CREM: variants seen among roughly 807,000 people sequenced by gnomAD.
CREM encodes the protein cAMP-responsive element modulator.
In CREM, 13 loss-of-function variants were observed where a neutral mutation model predicts 37.3. The ratio of observed to expected loss-of-function variants is 0.35; its 90% CI spans 0.23 to 0.55. The LOEUF is 0.55. Among genes scored for constraint, CREM ranks in the 20% least tolerant of loss-of-function variants. The pLI is 0.88. For synonymous variants in CREM, 124 were observed against 120.2 expected, an observed-to-expected ratio of 1.03 and a Z score of -0.21; for missense variants, 296 against 362.3, an observed-to-expected ratio of 0.82 and a Z score of 1.49.
At chr10:35,204,607 A>G (rs1311735725) in intron 6 of CREM, among the ~76,000 whole-genome samples, 4 of 152,116 alleles carry the variant, frequency 2.6e-5, no homozygotes, top group Non-Finnish European at 5.9e-5. Flanking sequence ...AAAAAAAAAA[A>G]AAAAAAAAAA....
chr10:35,131,327 G>A (rs2089334647), intron 1 of CREM, among the ~76,000 whole-genome samples: 1 of 152,096 alleles, frequency 6.6e-6, no homozygotes, highest in African/African-American at 2.4e-5. Context: ...AGTTATCTTA[G>A]TAAAGGTTTT....
Position 35,195,984 on chromosome 10 carries a change from T to A in CREM, c.598+7596T>A. ...GCTGCCTTTTAGACTGAATAGCTTT[T>A]CTTGTTAGCCCTACTTTAACATTTC... On this transcript the variant is annotated intron_variant, in intron 6 of 7. Transcript: ENST00000685392. 2.6e-6 allele frequency: 4 copies of A among 1,514,386 alleles called. No homozygotes were observed. The Admixed American group carries it at 6.8e-5, about 26-fold the overall frequency. The allele number at this position is 1,514,386 out of a possible 1,614,324, so 93.8% of individuals were successfully genotyped here.
At chr10:35,204,370 G>A (rs2095466673) in intron 6 of CREM, among the ~76,000 whole-genome samples, 1 of 152,142 alleles carries the variant, frequency 6.6e-6, no homozygotes, top group Non-Finnish European at 1.5e-5. Context: ...GGGAGGCCAA[G>A]GCAGGCAGAT....
At chr10:35,201,300 C>G (rs1434541183) in intron 6 of CREM, 3 of 723,722 alleles carry the variant, frequency 4.1e-6, no homozygotes, top group Non-Finnish European at 6.9e-6. Flanking sequence ...TAACTTGGAA[C>G]GTTGTCTTTC....
chr10:35,189,196 T>TG (rs1378577278), intron 6 of CREM, among the ~76,000 whole-genome samples: 2 of 119,568 alleles, frequency 1.7e-5, no homozygotes, highest in Non-Finnish European at 4.2e-5. Flanking sequence ...TGTTTGTTTG[T>TG]TTTTTTGACT....
chr10:35,212,017 T>C lies in CREM; in HGVS notation c.*619T>C. ...CAAACTGTAAAAAATGTGTGTATTC[T>C]TAAAATGCAATATTTGTAAGGCTTG... On this transcript the variant is annotated 3_prime_UTR_variant, in exon 8 of 8. Transcript: ENST00000685392. The C allele has an allele frequency of 2.3e-6, 1 of 439,782 alleles. No individual in the cohort carries two copies. The highest frequency in any genetic ancestry group is 6.2e-5 in the South Asian group (1 of 16,246). 27.2% of individuals were successfully genotyped at this position (439,782 alleles called of 1,614,324 possible).
intron 6 of CREM, among the ~76,000 whole-genome samples, chr10:35,197,723 C>T (rs895448427): frequency 3.9e-5 from 6 of 152,148 alleles, no homozygotes; most frequent in Non-Finnish European, 8.8e-5. Flanking sequence ...TCCCAAAGTG[C>T]TGGGATTACA....
chr10:35,163,079 G>T (rs1015262090), intron 3 of CREM, among the ~76,000 whole-genome samples: 1 of 151,552 alleles, frequency 6.6e-6, no homozygotes, highest in Non-Finnish European at 1.5e-5. Context: ...GGTGGCACTT[G>T]CCTGTAGTGC....
intron 3 of CREM, among the ~76,000 whole-genome samples, chr10:35,167,141 A>C (rs925794236): frequency 6.6e-6 from 1 of 152,166 alleles, no homozygotes; most frequent in African/African-American, 2.4e-5. Context: ...ACTCCGTCTC[A>C]GTGGGGGGAA....
chr10:35,210,198 GC>G (rs2095634764), intron 7 of CREM, among the ~76,000 whole-genome samples: 2 of 152,048 alleles, frequency 1.3e-5, no homozygotes, highest in Non-Finnish European at 2.9e-5. Flanking sequence ...TTCAGTGCAG[GC>G]TTTTTTGACA....
intron 3 of CREM, among the ~76,000 whole-genome samples, chr10:35,153,137 G>A (rs541334950): frequency 1.3e-5 from 2 of 152,226 alleles, no homozygotes; most frequent in South Asian, 2.1e-4. Flanking sequence ...CCAGCTACTT[G>A]GGAGACTGAG....
chr10:35,137,908 T>C (rs769347163), intron 2 of CREM, 29 bp downstream of exon 2: 6 of 1,556,478 alleles, frequency 3.9e-6, no homozygotes, highest in Non-Finnish European at 5.2e-6. Context: ...TTCTGTTCTT[T>C]TGAAAATTCT....
chr10:35,159,321 A>T (rs2093144540), intron 3 of CREM, among the ~76,000 whole-genome samples: 1 of 152,212 alleles, frequency 6.6e-6, no homozygotes, highest in South Asian at 2.1e-4. Context: ...CCTGACTTCA[A>T]AATATACTAT....
In CREM at chr10:35,211,930, C is replaced by T; in HGVS notation, c.*532C>T. On this transcript the variant is annotated 3_prime_UTR_variant, in exon 8 of 8. Coordinates refer to ENST00000685392, the MANE Select transcript of CREM (RefSeq NM_183011.2). ...TCTTCTTCTTTAATCACTTAACATT[C>T]CTAAAATGCTTCACTGTACGTAGTT... is the stretch of plus-strand genomic sequence containing the variant. The T allele has an allele frequency of 1.0e-6, 1 of 959,638 alleles. No individual in the cohort carries two copies. Among genetic ancestry groups the T allele is most frequent in the Non-Finnish European group, 1.4e-6 (1 of 692,266 alleles). 59.4% of individuals were successfully genotyped at this position (959,638 alleles called of 1,614,324 possible).
intron 3 of CREM, among the ~76,000 whole-genome samples, chr10:35,156,022 G>A (rs537124426): frequency 3.4e-5 from 5 of 145,206 alleles, no homozygotes; most frequent in South Asian, 2.2e-4. Flanking sequence ...TCACTGCAAC[G>A]TCCACCTCCC....
chr10:35,186,732 TTA>T (rs1333184832), intron 5 of CREM, among the ~76,000 whole-genome samples: 3 of 134,488 alleles, frequency 2.2e-5, no homozygotes, highest in East Asian at 4.3e-4. Flanking sequence ...CTATATATAA[TTA>T]TATATAGTTA....
At chr10:35,129,520 C>T (rs1429880225) in intron 1 of CREM, among the ~76,000 whole-genome samples, 1 of 152,146 alleles carries the variant, frequency 6.6e-6, no homozygotes, top group Non-Finnish European at 1.5e-5. Context: ...ATTTCTGATC[C>T]TTTTTCTCCC....
chr10:35,165,077 A>G (rs1461050330), intron 3 of CREM, among the ~76,000 whole-genome samples: 1 of 150,732 alleles, frequency 6.6e-6, no homozygotes, highest in African/African-American at 2.5e-5. Context: ...AAAAAAAAAA[A>G]AGAAAAGGAA....
At chr10:35,158,005 T>C in intron 3 of CREM, among the ~76,000 whole-genome samples, 1 of 151,964 alleles carries the variant, frequency 6.6e-6, no homozygotes, top group Non-Finnish European at 1.5e-5. Flanking sequence ...ATGAAAAAAA[T>C]ACTTAGAAAT....
Sources: allele counts gnomAD v4.1 joint callset (sites outside exome capture counted in the v4.1 genomes callset), GRCh38; gene constraint gnomAD v4.1.1; transcripts MANE v1.5; gene names NCBI Gene and HGNC (gene_info 2026-07-23, HGNC 2026-07-21).